Variants in SAMMSON observed in about 807,000 individuals in gnomAD.
SAMMSON encodes long intergenic non-protein coding RNA 1212.
intron 4 of SAMMSON, among the ~76,000 whole-genome samples, chr3:70,245,658 T>C (rs892065752): frequency 6.5e-4 from 90 of 137,444 alleles, no homozygotes; most frequent in African/African-American, 2.1e-3. Flanking sequence ...GCATAACGTT[T>C]TTGCAAACTG....
At chr3:70,432,322 C>T (rs1701420920) in intron 2 of SAMMSON, among the ~76,000 whole-genome samples, 1 of 151,044 alleles carries the variant, frequency 6.6e-6, no homozygotes, top group South Asian at 2.1e-4. Context: ...TCCTTTCCTC[C>T]ATGTTTATTA....
intron 4 of SAMMSON, among the ~76,000 whole-genome samples, chr3:70,190,803 A>G (rs962872133): frequency 1.3e-5 from 2 of 152,148 alleles, no homozygotes; most frequent in Non-Finnish European, 2.9e-5. Flanking sequence ...TTAGAATACC[A>G]TCTTCACCTC....
intron 7 of SAMMSON, among the ~76,000 whole-genome samples, chr3:70,348,552 C>A: frequency 6.6e-6 from 1 of 152,266 alleles, no homozygotes; most frequent in East Asian, 1.9e-4. Context: ...GGGCTCCACC[C>A]GAAACCTAAT....
At chr3:70,064,792 C>G (rs1180144482) in intron 3 of SAMMSON, among the ~76,000 whole-genome samples, 3 of 152,010 alleles carry the variant, frequency 2.0e-5, no homozygotes, top group Non-Finnish European at 4.4e-5. Context: ...AGGAATTCTT[C>G]AAGTCAATAT....
chr3:70,347,289 T>C (rs1702759219), intron 7 of SAMMSON, among the ~76,000 whole-genome samples: 1 of 152,206 alleles, frequency 6.6e-6, no homozygotes, highest in South Asian at 2.1e-4. Context: ...TTCACTTAAC[T>C]TAAATATATG....
chr3:70,366,194 G>T lies in SAMMSON; in HGVS notation n.913+7870G>T, dbSNP rs1253793472. The stretch of plus-strand genomic sequence containing the variant: ...TTTAGTAGAGACGGGGTTTCACCTT[G>T]TTAGCCAGGATGGTCTCGATCTCCT... On this transcript the variant is annotated intron_variant and non_coding_transcript_variant, in intron 9 of 9. Transcript: ENST00000642114. Among the ~76,000 whole-genome samples the T allele has an allele frequency of 1.3e-4, 4 of 31,676 alleles. 2 individuals are homozygous for T. Among genetic ancestry groups the T allele is most frequent in the Non-Finnish European group, 3.0e-4 (4 of 13,330 alleles). 20.8% of individuals were successfully genotyped at this position (31,676 alleles called of 152,430 possible).
intron 6 of SAMMSON, chr3:70,272,119 G>A (rs1488795433): frequency 6.6e-6 from 1 of 152,170 alleles, no homozygotes; most frequent in Admixed American, 6.5e-5. Context: ...CATGCCCAGA[G>A]TTGCTCAGCA....
chr3:70,222,326 G>A (rs929632331), intron 4 of SAMMSON, among the ~76,000 whole-genome samples: 6 of 152,276 alleles, frequency 3.9e-5, no homozygotes, highest in Admixed American at 6.5e-5. Context: ...TTACCATGAA[G>A]ATAAAACTAC....
At chr3:70,045,146 T>C (rs1310744378) in intron 3 of SAMMSON, among the ~76,000 whole-genome samples, 11 of 131,624 alleles carry the variant, frequency 8.4e-5, no homozygotes, top group Non-Finnish European at 1.7e-4. Context: ...ATAATTTATA[T>C]ATATTAATTA....
At position 70,273,073 on chromosome 3, in the gene SAMMSON, G is replaced by A. The variant is rs567826574; in HGVS notation, n.675-18106G>A. Among the ~76,000 whole-genome samples the A allele has an allele frequency of 2.6e-5, 4 of 152,266 alleles. No individual in the cohort carries two copies. The East Asian group carries it at 7.7e-4, about 29-fold the overall frequency. On this transcript the variant is annotated intron_variant and non_coding_transcript_variant, in intron 6 of 9. Transcript: ENST00000642114. Reference sequence around the variant, plus strand: ...CCTACCTGTTGTCAAGGGAAGTTCAGCCAGTGACCCAAGTTTTGTCTGGGA... The same window carrying A: ...CCTACCTGTTGTCAAGGGAAGTTCAACCAGTGACCCAAGTTTTGTCTGGGA...
At chr3:70,026,882 C>T (rs1220479214) in intron 3 of SAMMSON, among the ~76,000 whole-genome samples, 1 of 152,076 alleles carries the variant, frequency 6.6e-6, no homozygotes, top group African/African-American at 2.4e-5. Context: ...ATTGATTAAA[C>T]CCAGTTAAAG....
intron 4 of SAMMSON, among the ~76,000 whole-genome samples, chr3:70,172,059 A>C (rs371058333): frequency 1.8e-4 from 28 of 151,922 alleles, no homozygotes; most frequent in East Asian, 1.7e-3. Flanking sequence ...CTAAACAACA[A>C]TGATTTAATC....
intron 4 of SAMMSON, among the ~76,000 whole-genome samples, chr3:70,113,849 C>T (rs891839954): frequency 2.0e-5 from 3 of 151,854 alleles, no homozygotes; most frequent in African/African-American, 7.3e-5. Context: ...AGGATGAGAC[C>T]AGGACTGTCT....
chr3:70,011,638 A>G (rs2066956373), intron 1 of SAMMSON, among the ~76,000 whole-genome samples: 1 of 151,192 alleles, frequency 6.6e-6, no homozygotes, highest in Admixed American at 6.6e-5. Context: ...AAGTGAAGTC[A>G]ATTGGTTAAG....
chr3:70,295,923 A>T (rs1054820182), intron 7 of SAMMSON, among the ~76,000 whole-genome samples: 2 of 152,172 alleles, frequency 1.3e-5, no homozygotes, highest in African/African-American at 4.8e-5. Context: ...ATATTCCTTC[A>T]TGAAAACAAT....
intron 3 of SAMMSON, among the ~76,000 whole-genome samples, chr3:70,054,236 C>T (rs1191052143): frequency 1.3e-5 from 2 of 152,190 alleles, no homozygotes; most frequent in African/African-American, 2.4e-5. Context: ...CTGCTGTACT[C>T]GCATTCTCAC....
chr3:70,036,283 A>C (rs1350715569), intron 3 of SAMMSON, among the ~76,000 whole-genome samples: 1 of 152,156 alleles, frequency 6.6e-6, no homozygotes, highest in Non-Finnish European at 1.5e-5. Flanking sequence ...CCTGGGTTAG[A>C]GATGAGGGCT....
intron 7 of SAMMSON, among the ~76,000 whole-genome samples, chr3:70,326,158 T>C (rs138376070): frequency 3.3e-5 from 5 of 152,196 alleles, no homozygotes; most frequent in Non-Finnish European, 5.9e-5. Flanking sequence ...CTTTCTCCTT[T>C]CCTTCCTCTT....
chr3:70,369,739 C>G (rs1702950790), intron 9 of SAMMSON, among the ~76,000 whole-genome samples: 2 of 151,820 alleles, frequency 1.3e-5, no homozygotes, highest in Admixed American at 1.3e-4. Context: ...TTGTTACATT[C>G]CTAGAGTGTA....
Sources: allele counts gnomAD v4.1 joint callset (sites outside exome capture counted in the v4.1 genomes callset), GRCh38; gene constraint gnomAD v4.1.1; transcripts MANE v1.5; gene names NCBI Gene and HGNC (gene_info 2026-07-23, HGNC 2026-07-21).